Variants in ENPP2 observed in about 807,000 individuals in gnomAD.
The protein encoded by ENPP2 is autotaxin.
A neutral mutation model predicts 120.2 loss-of-function variants in ENPP2; 51 were observed. The observed-to-expected ratio is 0.42, with a 90% CI of 0.34 to 0.54. ENPP2 has a LOEUF of 0.54. Among genes scored for constraint, ENPP2 ranks in the 20% least tolerant of loss-of-function variants. ENPP2 has a pLI of 0.04. For synonymous variants in ENPP2, 365 were observed against 366.4 expected (o/e 1.00, Z 0.04); for missense variants, 920 against 1,066.5 (o/e 0.86, Z 1.91).
intron 9 of ENPP2, among the ~76,000 whole-genome samples, chr8:119,603,302 C>T (rs1305123561): frequency 2.6e-5 from 4 of 151,858 alleles, no homozygotes; most frequent in Non-Finnish European, 5.9e-5. Context: ...CTTTATTTTA[C>T]GTAATTGGTG....
chr8:119,557,238 A>T lies in ENPP2; in HGVS notation c.*283T>A, dbSNP rs1813540607. The T allele has an allele frequency of 5.9e-6, 2 of 337,090 alleles. No individual in the cohort carries two copies. The highest frequency in any genetic ancestry group is 4.4e-5 in the African/African-American group (2 of 45,690). 20.9% of individuals were successfully genotyped at this position (337,090 alleles called of 1,614,324 possible). A position where few individuals can be genotyped will look rare whatever the true frequency, so the allele number is the denominator to read the frequency against. On this transcript the variant is annotated 3_prime_UTR_variant, in exon 25 of 25. Transcript: ENST00000075322. ...TAAATGTGGCAACTGTGCATTGGAA[A>T]ATTAATATTTCCTCAATGCAAATAT...
intron 2 of ENPP2, among the ~76,000 whole-genome samples, chr8:119,627,667 G>T (rs1384134923): frequency 1.3e-5 from 2 of 151,926 alleles, no homozygotes; most frequent in Non-Finnish European, 2.9e-5. Flanking sequence ...TTCGAGACCA[G>T]CCTGGCCAAC....
chr8:119,626,909 A>G (rs1816318859), intron 2 of ENPP2, among the ~76,000 whole-genome samples, 189 bp from the exon 3 acceptor site: 1 of 152,220 alleles, frequency 6.6e-6, no homozygotes, highest in South Asian at 2.1e-4. Flanking sequence ...CCTCATCTGT[A>G]AAGTGGGGGA....
rs974428032 is a variant in ENPP2 at position 119,673,146 on chromosome 8, G to T, written c.21+106C>A. On this transcript the variant is annotated intron_variant, in intron 1 of 25. Transcript: ENST00000427067. ...CACAGCCCAACAGGGACTGCTTTCC[G>T]GCAAACCTGGAGGCCCTTTGCAAGG... 9 of 996,814 alleles carry T rather than the reference G, an allele frequency of 9.0e-6. No homozygotes were observed. In the South Asian group the frequency reaches 1.1e-4, roughly 12 times the overall value. The allele number at this position is 996,814 out of a possible 1,614,324, so 61.7% of individuals were successfully genotyped here.
intron 1 of ENPP2, among the ~76,000 whole-genome samples, chr8:119,658,726 G>T (rs752104026): frequency 6.6e-6 from 1 of 152,048 alleles, no homozygotes; most frequent in Non-Finnish European, 1.5e-5. Flanking sequence ...CTGCACCCCA[G>T]GCCACAGGAC....
intron 19 of ENPP2, among the ~76,000 whole-genome samples, chr8:119,574,292 C>T (rs1325865311): frequency 2.6e-5 from 4 of 151,720 alleles, no homozygotes; most frequent in Non-Finnish European, 4.4e-5. Flanking sequence ...ATCTTGTTCT[C>T]GGCACACATT....
At chr8:119,631,909 C>A (rs767684660) in intron 2 of ENPP2, among the ~76,000 whole-genome samples, 1 of 152,048 alleles carries the variant, frequency 6.6e-6, no homozygotes, top group Non-Finnish European at 1.5e-5. Flanking sequence ...CTCCCTACAC[C>A]CAGCCTAAGA....
chr8:119,604,895 T>C (rs1814588091), intron 9 of ENPP2, among the ~76,000 whole-genome samples: 1 of 152,130 alleles, frequency 6.6e-6, no homozygotes, highest in South Asian at 2.1e-4. Flanking sequence ...TGCCTCAGCC[T>C]CCTGAGTAGC....
intron 1 of ENPP2, among the ~76,000 whole-genome samples, chr8:119,652,942 A>G (rs1039116322): frequency 2.6e-5 from 4 of 152,212 alleles, no homozygotes; most frequent in Admixed American, 2.6e-4. Context: ...GACCAGCACT[A>G]ACAGCAATTC....
chr8:119,618,899 A>G (rs1815675736), intron 5 of ENPP2, among the ~76,000 whole-genome samples: 1 of 152,040 alleles, frequency 6.6e-6, no homozygotes, highest in South Asian at 2.1e-4. Context: ...CACTCCCCGC[A>G]AAGTAGGCAA....
At position 119,586,938 on chromosome 8, in the gene ENPP2, G is replaced by C; in HGVS notation, c.1239+106C>G. Reference sequence around the variant, plus strand: ...ACAGGATGGCAGGGCAGTGAGGAAAGTGTTCCTCCCACCCCTCCCCGCCGG... The same window carrying C: ...ACAGGATGGCAGGGCAGTGAGGAAACTGTTCCTCCCACCCCTCCCCGCCGG... On this transcript the variant is annotated intron_variant, in intron 14 of 24. Coordinates refer to ENST00000075322, the MANE Select transcript of ENPP2 (RefSeq NM_001040092.3). 1.1e-5 allele frequency: 10 copies of C among 878,252 alleles called. No individual in the cohort carries two copies. The South Asian group carries it at 1.4e-4, about 13-fold the overall frequency. 54.4% of individuals were successfully genotyped at this position (878,252 alleles called of 1,614,324 possible).
rs1338018531 is a variant in ENPP2 at position 119,557,293 on chromosome 8, A to C, written c.*228T>G. ...TCTGCAGCACCATTTAGAAGCTTCC[A>C]CTAAAAACTCAAGCTGCAGTATTTA... On this transcript the variant is annotated 3_prime_UTR_variant, in exon 25 of 25. Coordinates refer to ENST00000075322, the MANE Select transcript of ENPP2 (RefSeq NM_001040092.3). 2 of 467,524 alleles carry C rather than the reference A, an allele frequency of 4.3e-6. No homozygotes were observed. Among genetic ancestry groups the C allele is most frequent in the Non-Finnish European group, 7.5e-6 (2 of 266,096 alleles). 29.0% of individuals were successfully genotyped at this position (467,524 alleles called of 1,614,324 possible).
At chr8:119,560,599 C>T (rs1301186240) in intron 24 of ENPP2, among the ~76,000 whole-genome samples, 10 of 152,218 alleles carry the variant, frequency 6.6e-5, no homozygotes, top group Admixed American at 3.3e-4. Flanking sequence ...GCACAATGTT[C>T]AGTCTCCTCC....
chr8:119,622,851 T>C (rs1280599097), intron 3 of ENPP2, among the ~76,000 whole-genome samples: 2 of 152,182 alleles, frequency 1.3e-5, no homozygotes, highest in Admixed American at 1.3e-4. Context: ...ACTAGGTCTG[T>C]CTTCATGGAG....
At chr8:119,561,920 C>T (rs1052350798) in intron 24 of ENPP2, among the ~76,000 whole-genome samples, 1 of 151,730 alleles carries the variant, frequency 6.6e-6, no homozygotes, top group Non-Finnish European at 1.5e-5. Flanking sequence ...GGGTGGATCA[C>T]GAGGTCAGGA....
chr8:119,609,497 A>C (rs768605604), intron 8 of ENPP2, among the ~76,000 whole-genome samples: 1 of 152,110 alleles, frequency 6.6e-6, no homozygotes, highest in Non-Finnish European at 1.5e-5. Flanking sequence ...CCTTCACTCC[A>C]TTTAGTCCAA....
chr8:119,588,955 C>T lies in ENPP2; in HGVS notation c.1207+1550G>A, dbSNP rs778759222. ...AAATCTCAGATCTGAAACTTACTAA[C>T]CATCATCCTCGAAGCTAGTTCCCTC... On this transcript the variant is annotated intron_variant, in intron 13 of 24. Transcript: ENST00000075322. 1.4e-4 allele frequency among the ~76,000 whole-genome samples: 22 copies of T among 152,130 alleles called. 1 individual carries two copies. The highest frequency in any genetic ancestry group is 3.3e-4 in the Admixed American group (5 of 15,266).
chr8:119,673,258 G>T lies in ENPP2; in HGVS notation c.15C>A (p.Ala5=), dbSNP rs1255186241. 4 of 1,534,894 alleles carry T rather than the reference G, an allele frequency of 2.6e-6. No homozygotes were observed. In the South Asian group the frequency reaches 3.6e-5, roughly 14 times the overall value. The stretch of plus-strand genomic sequence containing the variant: ...AGAGAGGCGCATACCGTACCCGATC[G>T]GCGTGGCGGGTCATGCTGCGGGAGT... Residue 5 remains alanine (A), a synonymous_variant, in exon 1 of 26, where the codon GCC becomes GCA. Transcript: ENST00000427067.
chr8:119,590,695 G>T (rs1407967455), intron 12 of ENPP2, 65 bp from the exon 13 acceptor site: 2 of 1,136,748 alleles, frequency 1.8e-6, no homozygotes, highest in Non-Finnish European at 1.2e-6. Context: ...ACATAGACAC[G>T]AAAGATAACA....
Sources: gnomAD v4.1 joint callset for allele counts (sites outside exome capture counted in the v4.1 genomes callset) on GRCh38, gnomAD v4.1.1 for gene constraint, MANE v1.5 for transcripts, NCBI Gene and HGNC (gene_info 2026-07-23, HGNC 2026-07-21) for gene names.